Variants in PDS5B observed in about 807,000 individuals in gnomAD.
The protein encoded by PDS5B is PDS5 cohesin associated factor B.
Under a neutral mutation model 184.1 loss-of-function variants are expected in PDS5B, and 51 were observed. The observed-to-expected ratio is 0.28, with a 90% CI of 0.22 to 0.35. The LOEUF is 0.35. Ranked by LOEUF, PDS5B falls within the 10% of genes least tolerant of loss-of-function variation. The pLI, the probability that PDS5B is intolerant of heterozygous loss-of-function variation, is 1.00. For missense variants in PDS5B, 1,180 were observed against 1,723.3 expected (o/e 0.68, Z 5.58); for synonymous variants, 566 against 569.2 (o/e 0.99, Z 0.08).
At chr13:32,639,677 A>G (rs1397042133) in intron 1 of PDS5B, among the ~76,000 whole-genome samples, 3 of 152,210 alleles carry the variant, frequency 2.0e-5, no homozygotes, top group Admixed American at 6.5e-5. Flanking sequence ...ATTATTGTGT[A>G]CTGAAGAGTT....
chr13:32,602,413 C>A (rs2057990867), intron 1 of PDS5B, among the ~76,000 whole-genome samples: 1 of 152,206 alleles, frequency 6.6e-6, no homozygotes, highest in Non-Finnish European at 1.5e-5. Context: ...CATGTCCCTA[C>A]AAAGGACATG....
chr13:32,766,622 T>C (rs1173834721), intron 31 of PDS5B, among the ~76,000 whole-genome samples: 1 of 152,220 alleles, frequency 6.6e-6, no homozygotes, highest in Non-Finnish European at 1.5e-5. Flanking sequence ...TACCAGCTTC[T>C]CATTGAAATT....
intron 15 of PDS5B, 89 bp downstream of exon 15, chr13:32,696,991 C>T: frequency 2.7e-6 from 2 of 745,388 alleles, no homozygotes; most frequent in Non-Finnish European, 4.4e-6. Flanking sequence ...TTGTTATAGG[C>T]TATGATAATA....
At chr13:32,618,814 G>T (rs1433096601) in intron 1 of PDS5B, among the ~76,000 whole-genome samples, 4 of 152,006 alleles carry the variant, frequency 2.6e-5, no homozygotes, top group African/African-American at 9.7e-5. Flanking sequence ...GTCCACTGGG[G>T]TTGCTTTTTT....
rs114230895 is a variant in PDS5B at position 32,701,081 on chromosome 13, C to G, written c.1741-242C>G. ...CTTACTTTGTTTTTATTCCAAATGTCTATCCAGTAATTTCAATACAGTGTA... is the reference window on the plus strand; with the variant it reads ...CTTACTTTGTTTTTATTCCAAATGTGTATCCAGTAATTTCAATACAGTGTA... On this transcript the variant is annotated intron_variant, in intron 16 of 34. Coordinates refer to ENST00000315596, the MANE Select transcript of PDS5B (RefSeq NM_015032.4). 2,024 of 266,350 alleles carry G rather than the reference C, an allele frequency of 7.6e-3. 15 individuals are homozygous for G. Among genetic ancestry groups the G allele is most frequent in the African/African-American group, 0.025 (1,143 of 45,386 alleles). The allele number at this position is 266,350 out of a possible 1,614,324, so 16.5% of individuals were successfully genotyped here.
At chr13:32,695,865 C>T (rs1951687131) in intron 14 of PDS5B, among the ~76,000 whole-genome samples, 1 of 151,952 alleles carries the variant, frequency 6.6e-6, no homozygotes, top group African/African-American at 2.4e-5. Flanking sequence ...TTCTTTTCTA[C>T]AGTGTGGAAT....
chr13:32,715,058 T>A (rs542763495), intron 19 of PDS5B, among the ~76,000 whole-genome samples: 3 of 152,366 alleles, frequency 2.0e-5, no homozygotes, highest in African/African-American at 7.2e-5. Flanking sequence ...CAATCCATGT[T>A]CTTCTGCCAT....
chr13:32,727,960 T>G (rs1952968530), intron 19 of PDS5B, among the ~76,000 whole-genome samples: 1 of 152,042 alleles, frequency 6.6e-6, no homozygotes, highest in Non-Finnish European at 1.5e-5. Context: ...TCACAGCTGC[T>G]GTCTTACTAT....
chr13:32,737,764 A>G (rs1055818420), intron 21 of PDS5B, among the ~76,000 whole-genome samples: 1 of 152,184 alleles, frequency 6.6e-6, no homozygotes, highest in Non-Finnish European at 1.5e-5. Flanking sequence ...TATATGTAAC[A>G]TTTGTATAAC....
At chr13:32,676,603 T>C (rs1951069690) in intron 9 of PDS5B, among the ~76,000 whole-genome samples, 1 of 152,098 alleles carries the variant, frequency 6.6e-6, no homozygotes, top group African/African-American at 2.4e-5. Flanking sequence ...CCCCTCAAAT[T>C]ATTCTCATAA....
At chr13:32,736,075 G>T (rs1462588888) in intron 21 of PDS5B, among the ~76,000 whole-genome samples, 1 of 152,026 alleles carries the variant, frequency 6.6e-6, no homozygotes, top group African/African-American at 2.4e-5. Flanking sequence ...AGTGTCAGTT[G>T]GTCTGCTTTG....
intron 24 of PDS5B, among the ~76,000 whole-genome samples, chr13:32,750,697 ACAC>A (rs1307301120): frequency 6.6e-6 from 1 of 152,044 alleles, no homozygotes; most frequent in Non-Finnish European, 1.5e-5. Context: ...GCCTGCCACC[ACAC>A]CTGGCTAATT....
chr13:32,654,451 C>T (rs533299681), intron 3 of PDS5B, among the ~76,000 whole-genome samples: 20 of 152,258 alleles, frequency 1.3e-4, no homozygotes, highest in African/African-American at 4.6e-4. Flanking sequence ...TTTCAGCAAT[C>T]CAGGAAGGGT....
At position 32,599,544 on chromosome 13, in the gene PDS5B, G is replaced by A. The variant is rs139929973; in HGVS notation, c.-20+12951G>A. ...CTCCCAAAGTGCTGGGATTACAGGC[G>A]TGGGATTACCACACCTGGCCTATTT... On this transcript the variant is annotated intron_variant, in intron 1 of 34. Transcript: ENST00000315596. 3.9e-3 allele frequency among the ~76,000 whole-genome samples: 594 copies of A among 151,982 alleles called. 3 individuals carry two copies. The highest frequency in any genetic ancestry group is 0.014 in the African/African-American group (570 of 41,478).
chr13:32,731,320 G>A (rs1159518715), intron 19 of PDS5B, among the ~76,000 whole-genome samples: 2 of 152,018 alleles, frequency 1.3e-5, no homozygotes, highest in South Asian at 4.1e-4. Context: ...CCTTTATTCG[G>A]TATTCGTTTT....
At chr13:32,727,700 T>G (rs1952959628) in intron 19 of PDS5B, among the ~76,000 whole-genome samples, 1 of 152,132 alleles carries the variant, frequency 6.6e-6, no homozygotes, top group South Asian at 2.1e-4. Flanking sequence ...GCACTGCTTT[T>G]AAGATTTTTC....
rs1388172959 is a variant in PDS5B at position 32,676,556 on chromosome 13, C to T, written c.962+597C>T. On this transcript the variant is annotated intron_variant, in intron 9 of 34. Coordinates refer to ENST00000315596, the MANE Select transcript of PDS5B (RefSeq NM_015032.4). ...TTAAAAGCCCGACAAGTGCCTTGGC[C>T]GAAACCCGCTCTGACTCAGAAAAAA... 3.9e-5 allele frequency among the ~76,000 whole-genome samples: 6 copies of T among 151,992 alleles called. No homozygotes were observed. The South Asian group carries it at 8.3e-4, about 21-fold the overall frequency.
chr13:32,663,902 A>G (rs939001871), intron 6 of PDS5B, among the ~76,000 whole-genome samples: 5 of 152,088 alleles, frequency 3.3e-5, no homozygotes, highest in African/African-American at 1.2e-4. Flanking sequence ...CCTGTAGTCC[A>G]TTATATCACT....
At chr13:32,716,107 C>A in intron 19 of PDS5B, among the ~76,000 whole-genome samples, 1 of 152,036 alleles carries the variant, frequency 6.6e-6, no homozygotes, top group Non-Finnish European at 1.5e-5. Context: ...AGGAGCGTCT[C>A]TGCCTGGCCG....
Sources: allele counts gnomAD v4.1 joint callset (sites outside exome capture counted in the v4.1 genomes callset), GRCh38; gene constraint gnomAD v4.1.1; transcripts MANE v1.5; gene names NCBI Gene and HGNC (gene_info 2026-07-23, HGNC 2026-07-21).